The following TMEM117 variants were observed in gnomAD, a reference collection of about 807,000 sequenced individuals.
TMEM117 encodes the protein transmembrane protein 117.
A neutral mutation model predicts 52.4 loss-of-function variants in TMEM117; 27 were observed. The observed-to-expected ratio is 0.51, with a 90% CI of 0.38 to 0.71. The LOEUF (loss-of-function observed/expected upper bound fraction) is 0.71, where lower values mean the gene tolerates loss of function less well. TMEM117 is among the 30% of genes least tolerant of loss of function. The pLI is 0.00. For synonymous variants in TMEM117, 215 were observed against 206.3 expected (o/e 1.04, Z -0.36); for missense variants, 556 against 630.5 (o/e 0.88, Z 1.26).
At chr12:44,220,427 A>T (rs572878059) in intron 5 of TMEM117, among the ~76,000 whole-genome samples, 30 of 152,206 alleles carry the variant, frequency 2.0e-4, no homozygotes, top group Non-Finnish European at 3.5e-4. Flanking sequence ...TAATACATAG[A>T]AAGATGGATA....
chr12:44,024,202 G>A (rs2137843063), intron 3 of TMEM117, among the ~76,000 whole-genome samples: 1 of 152,230 alleles, frequency 6.6e-6, no homozygotes, highest in South Asian at 2.1e-4. Flanking sequence ...ACTGCATTAG[G>A]GTGTGACGGC....
intron 3 of TMEM117, among the ~76,000 whole-genome samples, chr12:44,070,176 C>A (rs766047993): frequency 6.6e-6 from 1 of 152,192 alleles, no homozygotes; most frequent in Non-Finnish European, 1.5e-5. Flanking sequence ...CAGGCGTGAG[C>A]CACCGCACCT....
chr12:44,139,450 T>C (rs1948539981), intron 3 of TMEM117, among the ~76,000 whole-genome samples: 1 of 151,422 alleles, frequency 6.6e-6, no homozygotes, highest in East Asian at 1.9e-4. Flanking sequence ...CAAGATGTTA[T>C]GATAATTAGC....
At chr12:43,822,424 A>T in the TMEM117 span, among the ~76,000 whole-genome samples, 26 of 152,084 alleles carry the variant, frequency 1.7e-4, no homozygotes, top group African/African-American at 6.0e-4. Flanking sequence ...GACAAAATTA[A>T]TTTGTGTAAT....
At chr12:44,003,967 G>A (rs1946155206) in intron 3 of TMEM117, among the ~76,000 whole-genome samples, 1 of 152,178 alleles carries the variant, frequency 6.6e-6, no homozygotes. Context: ...CTGACATTCT[G>A]GTCCTGTTCT....
intron 3 of TMEM117, among the ~76,000 whole-genome samples, chr12:44,042,810 T>A (rs1008750797): frequency 2.4e-5 from 3 of 126,386 alleles, no homozygotes; most frequent in East Asian, 2.3e-4. Flanking sequence ...ACACACACAC[T>A]TATTAGTTCT....
intron 3 of TMEM117, among the ~76,000 whole-genome samples, chr12:43,978,409 A>G (rs1446591460): frequency 1.3e-5 from 2 of 152,164 alleles, no homozygotes; most frequent in Admixed American, 6.5e-5. Flanking sequence ...GGCTGAACGG[A>G]AAAGGTCTCC....
chr12:44,114,819 T>C (rs544975836), intron 3 of TMEM117, among the ~76,000 whole-genome samples: 1 of 152,340 alleles, frequency 6.6e-6, no homozygotes, highest in South Asian at 2.1e-4. Flanking sequence ...CAAACATTAC[T>C]GTTTCCTATA....
chr12:43,848,594 C>T (rs1037930211), intron 2 of TMEM117, among the ~76,000 whole-genome samples: 19 of 152,066 alleles, frequency 1.2e-4, no homozygotes, highest in African/African-American at 4.6e-4. Flanking sequence ...CCATAAAAAT[C>T]ACTATTATTC....
chr12:44,232,379 T>TC (rs143033537), intron 5 of TMEM117, among the ~76,000 whole-genome samples: 2,252 of 151,604 alleles, frequency 0.015, 39 homozygotes, highest in African/African-American at 0.051. Flanking sequence ...TTATTTTTTT[T>TC]CCACTGGTCT....
intron 1 of TMEM117, among the ~76,000 whole-genome samples, chr12:43,841,746 C>G (rs2137348370): frequency 6.6e-6 from 1 of 152,292 alleles, no homozygotes; most frequent in Admixed American, 6.5e-5. Flanking sequence ...GCCTCAGAGG[C>G]TCAGATCACA....
At position 43,931,634 on chromosome 12, in the gene TMEM117, A is replaced by G. The variant is rs114204246; in HGVS notation, c.278-12576A>G. On this transcript the variant is annotated intron_variant, in intron 2 of 7. Transcript: ENST00000266534. Reference sequence around the variant, plus strand: ...TAATTTCAATATTTAAAGTTCTTGTATTGTCTAAAGTTTTATTTGCTATTT... The same window carrying G: ...TAATTTCAATATTTAAAGTTCTTGTGTTGTCTAAAGTTTTATTTGCTATTT... 5.7e-3 allele frequency among the ~76,000 whole-genome samples: 873 copies of G among 152,320 alleles called. 11 individuals are homozygous for G. The highest frequency in any genetic ancestry group is 0.02 in the African/African-American group (844 of 41,582).
At chr12:43,924,076 A>G (rs1284252528) in intron 2 of TMEM117, among the ~76,000 whole-genome samples, 4 of 152,226 alleles carry the variant, frequency 2.6e-5, no homozygotes, top group Non-Finnish European at 1.5e-5. Context: ...TGAATTCTGT[A>G]GGAGTGGGAT....
chr12:44,047,923 G>A (rs1220172622), intron 3 of TMEM117, among the ~76,000 whole-genome samples: 2 of 152,060 alleles, frequency 1.3e-5, no homozygotes, highest in African/African-American at 2.4e-5. Context: ...CTCTTTATCT[G>A]TTCACTGGAA....
At chr12:44,080,636 C>G (rs953867712) in intron 3 of TMEM117, among the ~76,000 whole-genome samples, 8 of 152,132 alleles carry the variant, frequency 5.3e-5, no homozygotes, top group Admixed American at 4.6e-4. Flanking sequence ...TGCCTCCTAC[C>G]TGTTTTGGCA....
At chr12:44,131,960 T>G (rs1299453716) in intron 3 of TMEM117, among the ~76,000 whole-genome samples, 1 of 152,198 alleles carries the variant, frequency 6.6e-6, no homozygotes, top group Non-Finnish European at 1.5e-5. Flanking sequence ...TATTTCATTT[T>G]GAGCTTTTTA....
chr12:44,092,194 A>G (rs1167706660), intron 3 of TMEM117, among the ~76,000 whole-genome samples: 4 of 152,234 alleles, frequency 2.6e-5, no homozygotes, highest in African/African-American at 9.6e-5. Flanking sequence ...AAGTATAGAA[A>G]TAAGTCATTC....
At chr12:44,123,203 T>C (rs1948266141) in intron 3 of TMEM117, among the ~76,000 whole-genome samples, 1 of 152,282 alleles carries the variant, frequency 6.6e-6, no homozygotes, top group African/African-American at 2.4e-5. Context: ...ACGTATTTCT[T>C]CTTTTGAGAA....
intron 4 of TMEM117, among the ~76,000 whole-genome samples, chr12:44,167,082 A>C (rs1317333954): frequency 1.3e-5 from 2 of 152,214 alleles, no homozygotes; most frequent in Non-Finnish European, 2.9e-5. Flanking sequence ...AGTGTAGTAT[A>C]CATGCACTAA....
Sources: gnomAD v4.1 joint callset for allele counts (sites outside exome capture counted in the v4.1 genomes callset) on GRCh38, gnomAD v4.1.1 for gene constraint, MANE v1.5 for transcripts, NCBI Gene and HGNC (gene_info 2026-07-23, HGNC 2026-07-21) for gene names.